RPS6KC1: variants seen among roughly 807,000 people sequenced by gnomAD.
The protein encoded by RPS6KC1 is ribosomal protein S6 kinase C1.
Under a neutral mutation model 103.8 loss-of-function variants are expected in RPS6KC1, and 54 were observed. The ratio of observed to expected loss-of-function variants is 0.52; its 90% CI spans 0.42 to 0.65. RPS6KC1 has a LOEUF of 0.65. RPS6KC1 is among the 30% of genes least tolerant of loss of function. RPS6KC1 has a pLI of 0.00. For synonymous variants in RPS6KC1, 439 were observed against 438.7 expected (o/e 1.00, Z -0.01); for missense variants, 1,151 against 1,253.8 (o/e 0.92, Z 1.24).
intron 7 of RPS6KC1, among the ~76,000 whole-genome samples, chr1:213,169,781 G>GTTT (rs67593764): frequency 2.3e-4 from 31 of 133,906 alleles, no homozygotes; most frequent in African/African-American, 2.8e-4. Flanking sequence ...AAATTTTTAA[G>GTTT]TTTTTTTTTT....
chr1:213,525,769 G>A, the RPS6KC1 span, among the ~76,000 whole-genome samples: 6 of 152,222 alleles, frequency 3.9e-5, no homozygotes. Flanking sequence ...GATGTCTGAG[G>A]ATGATAAGGA....
chr1:213,472,365 A>G, the RPS6KC1 span, among the ~76,000 whole-genome samples: 1 of 152,234 alleles, frequency 6.6e-6, no homozygotes, highest in Non-Finnish European at 1.5e-5. Flanking sequence ...TCTTGTGACA[A>G]TTGGGACTAA....
chr1:213,230,727 C>T (rs979143578), intron 9 of RPS6KC1, among the ~76,000 whole-genome samples, 183 bp downstream of exon 9: 8 of 150,318 alleles, frequency 5.3e-5, no homozygotes, highest in East Asian at 2.0e-4. Context: ...CCCAGCTACC[C>T]GGGAGACTTA....
intron 8 of RPS6KC1, among the ~76,000 whole-genome samples, chr1:213,217,550 C>G (rs1179877268): frequency 1.3e-5 from 2 of 152,176 alleles, no homozygotes; most frequent in Non-Finnish European, 2.9e-5. Context: ...GATACCAAAG[C>G]CTGACAGAGA....
At chr1:213,087,939 A>G (rs2080574298) in intron 3 of RPS6KC1, among the ~76,000 whole-genome samples, 1 of 152,106 alleles carries the variant, frequency 6.6e-6, no homozygotes, top group Admixed American at 6.5e-5. Context: ...GTACGCTCCT[A>G]ATAACCCCCT....
chr1:213,364,918 A>G, the RPS6KC1 span, among the ~76,000 whole-genome samples: 1 of 152,126 alleles, frequency 6.6e-6, no homozygotes, highest in Non-Finnish European at 1.5e-5. Flanking sequence ...AGATCGCACC[A>G]CTGCACTCCA....
intron 8 of RPS6KC1, among the ~76,000 whole-genome samples, chr1:213,211,818 T>C (rs1188262914): frequency 6.6e-6 from 1 of 152,228 alleles, no homozygotes; most frequent in Non-Finnish European, 1.5e-5. Flanking sequence ...TGCATCACTT[T>C]AGTGCAGGAC....
At chr1:213,147,180 A>C (rs973635732) in intron 6 of RPS6KC1, among the ~76,000 whole-genome samples, 3 of 152,086 alleles carry the variant, frequency 2.0e-5, no homozygotes, top group Non-Finnish European at 2.9e-5. Context: ...TTTGCTGTGC[A>C]GAAGCTTTTT....
the RPS6KC1 span, among the ~76,000 whole-genome samples, chr1:213,404,134 A>T: frequency 6.6e-6 from 1 of 152,206 alleles, no homozygotes; most frequent in African/African-American, 2.4e-5. Flanking sequence ...CTGTGCGTAG[A>T]TAACACCAGT....
At chr1:213,798,856 G>C in the RPS6KC1 span, among the ~76,000 whole-genome samples, 4 of 152,144 alleles carry the variant, frequency 2.6e-5, no homozygotes. Flanking sequence ...TTCAGGCAAA[G>C]GTAAAGCCAT....
intron 3 of RPS6KC1, among the ~76,000 whole-genome samples, chr1:213,090,935 G>T (rs958568072): frequency 1.3e-5 from 2 of 152,236 alleles, no homozygotes; most frequent in Non-Finnish European, 2.9e-5. Context: ...CTAATGTCTG[G>T]CTTAAGAGGA....
chr1:213,483,909 T>A, the RPS6KC1 span, among the ~76,000 whole-genome samples: 579 of 152,330 alleles, frequency 3.8e-3, 3 homozygotes, highest in African/African-American at 0.012. Context: ...TCAGGTGTGG[T>A]GAGACTGTGA....
At chr1:213,089,461 G>GT (rs1469186387) in intron 3 of RPS6KC1, among the ~76,000 whole-genome samples, 14 of 148,098 alleles carry the variant, frequency 9.5e-5, no homozygotes, top group African/African-American at 3.5e-4. Context: ...CCATTTTGCT[G>GT]TTTGTTTTTT....
the RPS6KC1 span, among the ~76,000 whole-genome samples, chr1:213,824,140 G>A: frequency 6.6e-6 from 1 of 152,172 alleles, no homozygotes; most frequent in Non-Finnish European, 1.5e-5. Flanking sequence ...ATGTTACAGG[G>A]AGAAAGACCC....
At chr1:213,743,545 G>C in the RPS6KC1 span, among the ~76,000 whole-genome samples, 1 of 152,014 alleles carries the variant, frequency 6.6e-6, no homozygotes, top group African/African-American at 2.4e-5. Flanking sequence ...CCAGGCCAAG[G>C]GTTTTGAGAT....
the RPS6KC1 span, among the ~76,000 whole-genome samples, chr1:213,504,990 G>C: frequency 6.6e-6 from 1 of 152,222 alleles, no homozygotes; most frequent in South Asian, 2.1e-4. Flanking sequence ...AAGCCACTAA[G>C]TTCCCCACAA....
chr1:213,318,929 G>T, the RPS6KC1 span, among the ~76,000 whole-genome samples: 3 of 152,208 alleles, frequency 2.0e-5, no homozygotes, highest in Non-Finnish European at 4.4e-5. Flanking sequence ...TAAGGAGTCT[G>T]CTTGCTAATT....
At chr1:213,449,442 G>A in the RPS6KC1 span, among the ~76,000 whole-genome samples, 1 of 152,254 alleles carries the variant, frequency 6.6e-6, no homozygotes. Context: ...GGCTTGCAGA[G>A]GCTCCTGTGT....
intron 8 of RPS6KC1, among the ~76,000 whole-genome samples, chr1:213,195,329 TG>T (rs2092905464): frequency 6.6e-6 from 1 of 152,230 alleles, no homozygotes; most frequent in African/African-American, 2.4e-5. Context: ...ATACATACAA[TG>T]TAGCCCTTAG....
Sources: allele counts gnomAD v4.1 joint callset (sites outside exome capture counted in the v4.1 genomes callset), GRCh38; gene constraint gnomAD v4.1.1; transcripts MANE v1.5; gene names NCBI Gene and HGNC (gene_info 2026-07-23, HGNC 2026-07-21).